FER1L5: variants seen among roughly 807,000 people sequenced by gnomAD.
FER1L5 encodes the protein fer-1-like protein 5.
Under a neutral mutation model 279.9 loss-of-function variants are expected in FER1L5, and 187 were observed. The observed-to-expected ratio is 0.67, with a 90% CI of 0.59 to 0.75. The LOEUF (loss-of-function observed/expected upper bound fraction) is 0.75. FER1L5 is among the 30% of genes least tolerant of loss of function. The probability of loss-of-function intolerance (pLI) is 0.00; values close to 1 mark genes in which losing one functional copy is unlikely to be tolerated. For missense variants in FER1L5, 2,091 were observed against 2,594.4 expected, an observed-to-expected ratio of 0.81 and a Z score of 4.21; for synonymous variants, 921 against 989.7, an observed-to-expected ratio of 0.93 and a Z score of 1.30.
chr2:96,701,056 G>A (rs1373519731), intron 45 of FER1L5, among the ~76,000 whole-genome samples: 1 of 152,216 alleles, frequency 6.6e-6, no homozygotes, highest in Admixed American at 6.5e-5. Flanking sequence ...GCTCACGCCT[G>A]TAATCCCAGC....
At chr2:96,648,858 C>T (rs1024772206) in intron 4 of FER1L5, among the ~76,000 whole-genome samples, 3 of 152,192 alleles carry the variant, frequency 2.0e-5, no homozygotes, top group Non-Finnish European at 4.4e-5. Flanking sequence ...ACTTACAATG[C>T]GTTTATCGGG....
At chr2:96,670,357 T>C in intron 18 of FER1L5, 110 bp downstream of exon 18, 1 of 1,402,898 alleles carries the variant, frequency 7.1e-7, no homozygotes, top group Non-Finnish European at 9.6e-7. Flanking sequence ...CACTGGCTGT[T>C]GAGTGTGTAA....
Position 96,691,883 on chromosome 2 carries a change from G to A in FER1L5, c.3134G>A (p.Gly1045Asp). Residue 1045 changes from glycine to aspartate, a missense_variant, in exon 30 of 53, where the codon GGT becomes GAT. Gly to Asp is a moderately conservative substitution (Grantham distance 94). Coordinates refer to ENST00000624922, the MANE Select transcript of FER1L5 (RefSeq NM_001293083.2). This position sits in a 1 kb window ranked among gnomAD's most constrained non-coding sequence, Gnocchi z 6.0. ...KEEDSKTWPW[G>D]LDRQFRDPQR... is the part of the protein sequence containing the mutation. ...GAGGACAGCAAGACATGGCCATGGG[G>A]TCTGGACAGACAGTTCAGGGACCCC... 1 of 1,551,538 alleles carries A rather than the reference G, an allele frequency of 6.4e-7. No individual in the cohort carries two copies. The highest frequency in any genetic ancestry group is 2.4e-5 in the East Asian group (1 of 40,916).
chr2:96,684,157 A>C (rs552356274), intron 19 of FER1L5, among the ~76,000 whole-genome samples, 170 bp from the exon 20 acceptor site: 8 of 152,310 alleles, frequency 5.3e-5, no homozygotes, highest in African/African-American at 1.9e-4. Flanking sequence ...TCACATTCTC[A>C]GTTGGGCCCC....
intron 19 of FER1L5, among the ~76,000 whole-genome samples, chr2:96,677,103 A>C (rs1216404620): frequency 6.6e-6 from 1 of 152,202 alleles, no homozygotes; most frequent in Admixed American, 6.5e-5. Flanking sequence ...CAGCTTCCTA[A>C]AGTGCTGGGA....
chr2:96,682,561 GCTCA>G (rs2076769533), intron 19 of FER1L5, among the ~76,000 whole-genome samples: 1 of 152,248 alleles, frequency 6.6e-6, no homozygotes, highest in Admixed American at 6.5e-5. Flanking sequence ...GTTCTCAGCT[GCTCA>G]CTTTCTTGGA....
chr2:96,663,953 G>C (rs1396631986), intron 14 of FER1L5, among the ~76,000 whole-genome samples: 2 of 152,036 alleles, frequency 1.3e-5, no homozygotes, highest in African/African-American at 4.8e-5. Context: ...TGAGGCAGGA[G>C]AGTTGCTTGA....
chr2:96,652,031 CG>C lies in FER1L5; in HGVS notation c.633+15del, dbSNP rs988762350. 1.0e-5 allele frequency: 16 copies of C among 1,551,556 alleles called. No individual in the cohort carries two copies. Among genetic ancestry groups the C allele is most frequent in the Non-Finnish European group, 1.3e-5 (15 of 1,146,932 alleles). ...CCTTTCTTTAATGAGGTGGGCTGAACGGGGCACATCAGGCAAGGAGCCAGCC... is the reference window on the plus strand; with the variant it reads ...CCTTTCTTTAATGAGGTGGGCTGAACGGGCACATCAGGCAAGGAGCCAGCC... On this transcript the variant is annotated intron_variant, in intron 7 of 52. Transcript: ENST00000624922.
chr2:96,663,582 G>T, intron 14 of FER1L5, 75 bp downstream of exon 14: 2 of 1,507,876 alleles, frequency 1.3e-6, no homozygotes, highest in South Asian at 2.4e-5. Context: ...GATTGTGTGG[G>T]GGTGAAGACA....
intron 1 of FER1L5, among the ~76,000 whole-genome samples, 155 bp downstream of exon 1, chr2:96,643,076 C>A (rs2074954496): frequency 6.6e-6 from 1 of 152,192 alleles, no homozygotes; most frequent in Non-Finnish European, 1.5e-5. Flanking sequence ...AAACTTATTG[C>A]TATCATTTGA....
chr2:96,702,956 C>A lies in FER1L5; in HGVS notation c.5398-22C>A. 6.2e-7 allele frequency: 1 copy of A among 1,600,936 alleles called. No homozygotes were observed. The highest frequency in any genetic ancestry group is 8.5e-7 in the Non-Finnish European group (1 of 1,173,494). On this transcript the variant is annotated intron_variant, in intron 48 of 52. Transcript: ENST00000624922. This position sits in a 1 kb window ranked among gnomAD's most constrained non-coding sequence, Gnocchi z 4.0. ...ACGTCCAGGAGACAGGCCGGTAACA[C>A]GCCCTTCCGCCATTTCCCCAGGATT...
intron 9 of FER1L5, among the ~76,000 whole-genome samples, chr2:96,659,338 C>CTTTCTTTCTTTCTTTCT (rs1558853139): frequency 1.2e-5 from 1 of 81,260 alleles, no homozygotes; most frequent in African/African-American, 5.0e-5. Flanking sequence ...TCCTTCCTTC[C>CTTTCTTTCTTTCTTTCT]TTCCTTCCTT....
intron 38 of FER1L5, 37 bp downstream of exon 38, chr2:96,697,613 G>A (rs749032303): frequency 3.1e-6 from 5 of 1,613,676 alleles, no homozygotes; most frequent in Non-Finnish European, 4.2e-6. Context: ...GCAGGGAGGT[G>A]GGGGGCTGCC....
In FER1L5 at chr2:96,687,930, G is replaced by A. The variant is rs1023900728; in HGVS notation, c.2344G>A (p.Ala782Thr). The change falls in exon 24 of 53, where the codon GCG (alanine) becomes ACG (threonine). Residue 782 changes from alanine (A) to threonine (T), a missense_variant. Ala to Thr is a moderately conservative substitution (Grantham distance 58). Coordinates refer to ENST00000624922, the MANE Select transcript of FER1L5 (RefSeq NM_001293083.2). Reference sequence around the variant, plus strand: ...GCAGCTGCTCCGCCAGGGTGACACAGCGGTGTACGCCGAGATGGTGAGTGG... The same window carrying A: ...GCAGCTGCTCCGCCAGGGTGACACAACGGTGTACGCCGAGATGGTGAGTGG... ...DLQLLRQGDT[A>T]VYAEMYENQA... The A allele has an allele frequency of 1.3e-6, 2 of 1,551,074 alleles. No homozygotes were observed. The highest frequency in any genetic ancestry group is 2.4e-5 in the East Asian group (1 of 40,898).
rs1021275987 is a variant in FER1L5, at chr2:96,689,474, T to C, written c.2525+98T>C. 96 of 1,514,586 alleles carry C rather than the reference T, an allele frequency of 6.3e-5. No individual in the cohort carries two copies. The highest frequency in any genetic ancestry group is 7.2e-5 in the Non-Finnish European group (81 of 1,125,050). 93.8% of individuals were successfully genotyped at this position (1,514,586 alleles called of 1,614,324 possible). ...AAGATGGGTACCTAGCCCCTAAGCC[T>C]GGTGCCAGAGGGCCGAGGTGCACCA... is the stretch of plus-strand genomic sequence containing the variant. On this transcript the variant is annotated intron_variant, in intron 25 of 52. Transcript: ENST00000624922. This position sits in a 1 kb window ranked among gnomAD's most constrained non-coding sequence, Gnocchi z 4.6.
chr2:96,689,468 TA>T lies in FER1L5; in HGVS notation c.2525+94del. 2.0e-6 allele frequency: 3 copies of T among 1,518,808 alleles called. No homozygotes were observed. The highest frequency in any genetic ancestry group is 2.7e-6 in the Non-Finnish European group (3 of 1,128,370). The allele number at this position is 1,518,808 out of a possible 1,614,324, so 94.1% of individuals were successfully genotyped here. On this transcript the variant is annotated intron_variant, in intron 25 of 52. Coordinates refer to ENST00000624922, the MANE Select transcript of FER1L5 (RefSeq NM_001293083.2). This position sits in a 1 kb window ranked among gnomAD's most constrained non-coding sequence, Gnocchi z 4.6. ...CCCAGAAAGATGGGTACCTAGCCCC[TA>T]AGCCTGGTGCCAGAGGGCCGAGGTG...
At chr2:96,668,827 G>A (rs1011508360) in intron 15 of FER1L5, 33 bp downstream of exon 15, 2 of 1,551,628 alleles carry the variant, frequency 1.3e-6, no homozygotes, top group Non-Finnish European at 8.7e-7. Context: ...AAGCACACAG[G>A]GAAGGAAGAA....
intron 19 of FER1L5, among the ~76,000 whole-genome samples, chr2:96,676,446 C>T (rs2076512229): frequency 6.6e-6 from 1 of 152,146 alleles, no homozygotes; most frequent in South Asian, 2.1e-4. Flanking sequence ...GAATTACAAG[C>T]GTGAGCCGCT....
At chr2:96,674,717 G>A (rs887802006) in intron 19 of FER1L5, among the ~76,000 whole-genome samples, 1 of 152,238 alleles carries the variant, frequency 6.6e-6, no homozygotes. Context: ...AGGCTGAAGT[G>A]GGAGGATCAC....
Sources: allele counts gnomAD v4.1 joint callset (sites outside exome capture counted in the v4.1 genomes callset), GRCh38; gene constraint gnomAD v4.1.1; non-coding constraint Gnocchi (gnomAD v3.1); transcripts MANE v1.5; gene names NCBI Gene and HGNC (gene_info 2026-07-23, HGNC 2026-07-21).